The following C1orf21 variants were observed in gnomAD, a reference collection of about 807,000 sequenced individuals.
C1orf21 encodes the protein uncharacterized protein C1orf21.
A neutral mutation model predicts 18.7 loss-of-function variants in C1orf21; 3 were observed. That is an observed-to-expected ratio of 0.16 (90% CI 0.07 to 0.42). The LOEUF is 0.42. C1orf21 is among the 10% of genes least tolerant of loss of function. The pLI is 0.99. For missense variants in C1orf21, 104 were observed against 143.6 expected (o/e 0.72, Z 1.41); for synonymous variants, 41 against 46.4 (o/e 0.88, Z 0.47).
intron 1 of C1orf21, among the ~76,000 whole-genome samples, chr1:184,446,500 A>G (rs1006258055): frequency 2.6e-5 from 4 of 152,196 alleles, no homozygotes; most frequent in South Asian, 4.1e-4. Flanking sequence ...CCAAGTGCCA[A>G]TCTGCAGGAT....
intron 3 of C1orf21, among the ~76,000 whole-genome samples, chr1:184,587,283 G>C: frequency 9.3e-6 from 1 of 107,954 alleles, no homozygotes; most frequent in Non-Finnish European, 1.9e-5. Context: ...TTTTTTTTTC[G>C]GTTCCATGTG....
intron 1 of C1orf21, among the ~76,000 whole-genome samples, chr1:184,422,867 G>A (rs1656567680): frequency 6.6e-6 from 1 of 152,354 alleles, no homozygotes; most frequent in African/African-American, 2.4e-5. Context: ...GGCTTGGTAA[G>A]TGTTGATGGA....
At chr1:184,586,315 C>T (rs1483647043) in intron 3 of C1orf21, among the ~76,000 whole-genome samples, 21 of 133,550 alleles carry the variant, frequency 1.6e-4, no homozygotes, top group African/African-American at 5.6e-4. Flanking sequence ...GACGGAGTCT[C>T]GCTGTCGCCC....
intron 1 of C1orf21, among the ~76,000 whole-genome samples, chr1:184,443,728 A>G (rs373698923): frequency 6.6e-6 from 1 of 152,072 alleles, no homozygotes; most frequent in African/African-American, 2.4e-5. Context: ...CCCCCTAACC[A>G]CAGGGAAGGG....
At chr1:184,502,434 G>A (rs1657990237) in intron 2 of C1orf21, among the ~76,000 whole-genome samples, 1 of 151,938 alleles carries the variant, frequency 6.6e-6, no homozygotes, top group African/African-American at 2.4e-5. Context: ...ATTTTGGAGG[G>A]AACGTCAACA....
intron 3 of C1orf21, among the ~76,000 whole-genome samples, chr1:184,544,290 G>A (rs1300756306): frequency 6.6e-6 from 1 of 152,150 alleles, no homozygotes; most frequent in Non-Finnish European, 1.5e-5. Flanking sequence ...AGAAGTTGAG[G>A]CAGGGTGGCT....
chr1:184,469,440 A>G (rs995411031), intron 1 of C1orf21, among the ~76,000 whole-genome samples: 1 of 152,190 alleles, frequency 6.6e-6, no homozygotes, highest in African/African-American at 2.4e-5. Flanking sequence ...TGTGGAATAT[A>G]TTGGATTTGT....
At position 184,628,387 on chromosome 1, in the gene C1orf21, T is replaced by C. The variant is rs1167067616; in HGVS notation, c.*8831T>C. 6.6e-6 allele frequency: 1 copy of C among 151,918 alleles called. No homozygotes were observed. Among genetic ancestry groups the C allele is most frequent in the African/African-American group, 2.4e-5 (1 of 41,320 alleles). 9.4% of individuals were successfully genotyped at this position (151,918 alleles called of 1,614,324 possible). ...AGACACAAAATATTATAAACAGAGGTTCTGGCATTTTCTCTCTGAACTCCT... is the reference window on the plus strand; with the variant it reads ...AGACACAAAATATTATAAACAGAGGCTCTGGCATTTTCTCTCTGAACTCCT... On this transcript the variant is annotated 3_prime_UTR_variant, in exon 6 of 6. Transcript: ENST00000235307.
At chr1:184,420,135 G>A (rs1448485740) in intron 1 of C1orf21, among the ~76,000 whole-genome samples, 1 of 152,076 alleles carries the variant, frequency 6.6e-6, no homozygotes, top group Non-Finnish European at 1.5e-5. Context: ...AAAATGGAAG[G>A]AAGTTTTCAG....
At chr1:184,423,060 T>C (rs1656571189) in intron 1 of C1orf21, among the ~76,000 whole-genome samples, 2 of 152,226 alleles carry the variant, frequency 1.3e-5, no homozygotes, top group Admixed American at 6.5e-5. Flanking sequence ...CACTTCCTTG[T>C]TTACTTAATG....
intron 3 of C1orf21, among the ~76,000 whole-genome samples, chr1:184,529,008 G>T (rs1439631079): frequency 6.6e-6 from 1 of 152,128 alleles, no homozygotes; most frequent in Non-Finnish European, 1.5e-5. Flanking sequence ...TCCACCAGCA[G>T]TATATGGAGA....
chr1:184,543,997 C>T (rs1658694377), intron 3 of C1orf21, among the ~76,000 whole-genome samples: 1 of 152,108 alleles, frequency 6.6e-6, no homozygotes, highest in African/African-American at 2.4e-5. Context: ...AAAACACAGA[C>T]ATTTGGTTGC....
At chr1:184,576,111 G>A (rs941256909) in intron 3 of C1orf21, among the ~76,000 whole-genome samples, 1 of 151,396 alleles carries the variant, frequency 6.6e-6, no homozygotes, top group African/African-American at 2.4e-5. Context: ...ATCAAGTTGA[G>A]TTTCTGTCAC....
chr1:184,426,552 G>A (rs1656640096), intron 1 of C1orf21, among the ~76,000 whole-genome samples: 1 of 151,942 alleles, frequency 6.6e-6, no homozygotes, highest in African/African-American at 2.4e-5. Context: ...CCTGCCTGTG[G>A]GATTTCACTT....
chr1:184,465,383 C>CA (rs1349299919), intron 1 of C1orf21, among the ~76,000 whole-genome samples: 3 of 151,586 alleles, frequency 2.0e-5, no homozygotes, highest in African/African-American at 7.3e-5. Context: ...TTCAAAAAAG[C>CA]AAAAAACAAA....
chr1:184,533,442 G>T (rs936122208), intron 3 of C1orf21, among the ~76,000 whole-genome samples: 1 of 152,174 alleles, frequency 6.6e-6, no homozygotes, highest in Admixed American at 6.5e-5. Context: ...ATGAATGAAT[G>T]AATGACTGTG....
At chr1:184,608,105 G>A (rs997560120) in intron 5 of C1orf21, among the ~76,000 whole-genome samples, 1 of 152,140 alleles carries the variant, frequency 6.6e-6, no homozygotes, top group Admixed American at 6.5e-5. Flanking sequence ...CCGGGGATGG[G>A]GAATGAGAAA....
intron 2 of C1orf21, among the ~76,000 whole-genome samples, chr1:184,503,168 A>G (rs1375498994): frequency 6.6e-6 from 1 of 151,736 alleles, no homozygotes; most frequent in Non-Finnish European, 1.5e-5. Flanking sequence ...CAAACTCTGG[A>G]AGGAACTGAG....
At chr1:184,579,379 G>GTTT (rs201010891) in intron 3 of C1orf21, among the ~76,000 whole-genome samples, 7 of 71,444 alleles carry the variant, frequency 9.8e-5, no homozygotes, top group Non-Finnish European at 1.8e-4. Flanking sequence ...TATAAGCTGG[G>GTTT]TTTTTTTTTT....
Sources: allele counts gnomAD v4.1 joint callset (sites outside exome capture counted in the v4.1 genomes callset), GRCh38; gene constraint gnomAD v4.1.1; transcripts MANE v1.5; gene names NCBI Gene and HGNC (gene_info 2026-07-23, HGNC 2026-07-21).